ADAMTSL1: variants seen among roughly 807,000 people sequenced by gnomAD.
The protein encoded by ADAMTSL1 is ADAMTS like 1.
A neutral mutation model predicts 201.8 loss-of-function variants in ADAMTSL1; 126 were observed. That is an observed-to-expected ratio of 0.62 (90% CI 0.54 to 0.72). The LOEUF (loss-of-function observed/expected upper bound fraction) is 0.72. Among genes scored for constraint, ADAMTSL1 ranks in the 30% least tolerant of loss-of-function variants. The pLI, the probability that ADAMTSL1 is intolerant of heterozygous loss-of-function variation, is 0.00. For missense variants in ADAMTSL1, 2,679 were observed against 2,277.8 expected (o/e 1.18, Z -3.59); for synonymous variants, 1,121 against 903.4 (o/e 1.24, Z -4.32).
chr9:17,931,190 A>T (rs2131318775), intron 1 of ADAMTSL1, among the ~76,000 whole-genome samples: 1 of 152,304 alleles, frequency 6.6e-6, no homozygotes, highest in South Asian at 2.1e-4. Flanking sequence ...TCTGAGCCAA[A>T]GCTTACCTGG....
In ADAMTSL1 at chr9:18,111,485, G is replaced by C. The variant is rs537549463; in HGVS notation, c.88-52377G>C. 5.3e-5 allele frequency among the ~76,000 whole-genome samples: 8 copies of C among 152,114 alleles called. No homozygotes were observed. In the East Asian group the frequency reaches 1.4e-3, roughly 26 times the overall value. ...AAGAAGCCCTTTTAAACTATTTTATGTGCTTATTTTATGTATCTGTGAAAT... is the reference window on the plus strand; with the variant it reads ...AAGAAGCCCTTTTAAACTATTTTATCTGCTTATTTTATGTATCTGTGAAAT... On this transcript the variant is annotated intron_variant, in intron 1 of 29. Coordinates refer to the ADAMTSL1 transcript ENST00000680146.
chr9:18,172,452 A>G (rs138265198), intron 2 of ADAMTSL1, among the ~76,000 whole-genome samples: 217 of 152,216 alleles, frequency 1.4e-3, no homozygotes, highest in African/African-American at 5.1e-3. Flanking sequence ...CCCATCAGAT[A>G]GGCAACAAAT....
intron 1 of ADAMTSL1, among the ~76,000 whole-genome samples, chr9:17,969,177 A>C (rs1818104399): frequency 6.7e-6 from 1 of 148,242 alleles, no homozygotes; most frequent in Admixed American, 6.9e-5. Context: ...GACAAATAAA[A>C]CAGAAATGGA....
intron 2 of ADAMTSL1, among the ~76,000 whole-genome samples, chr9:18,167,329 T>A (rs147960231): frequency 6.6e-6 from 1 of 152,050 alleles, no homozygotes; most frequent in Non-Finnish European, 1.5e-5. Flanking sequence ...TGTACCTTGG[T>A]ATAAAAGAGA....
intron 2 of ADAMTSL1, among the ~76,000 whole-genome samples, chr9:18,508,547 A>T (rs1306394503): frequency 6.6e-6 from 1 of 152,196 alleles, no homozygotes; most frequent in Non-Finnish European, 1.5e-5. Context: ...TGTTTTCTTG[A>T]TAATTTTTAT....
At chr9:18,795,597 G>C in intron 20 of ADAMTSL1, 73 bp downstream of exon 20, 1 of 1,464,176 alleles carries the variant, frequency 6.8e-7, no homozygotes. Context: ...TGTCAAACAG[G>C]CCCAGAGATG....
At position 18,504,860 on chromosome 9, in the gene ADAMTSL1, G is replaced by A. The variant is rs200963194; in HGVS notation, c.95G>A (p.Arg32Gln). ...SSRTARSEEDRDGLWDAWGPW... is the reference protein window; with the variant it reads ...SSRTARSEEDQDGLWDAWGPW... ...AGGACCGCACGCTCCGAGGAGGACC[G>A]GGACGGCCTATGGGATGCCTGGGGC... is the stretch of plus-strand genomic sequence containing the variant. Residue 32 changes from arginine (R) to glutamine (Q), a missense_variant, in exon 2 of 29, where the codon CGG (arginine) becomes CAG (glutamine). Physicochemically the swap from Arg to Gln is conservative, Grantham distance 43. Transcript: ENST00000380548. The A allele has an allele frequency of 1.5e-4, 248 of 1,613,910 alleles. 1 individual carries two copies. In the Admixed American group the frequency reaches 2.8e-3, roughly 18 times the overall value.
intron 1 of ADAMTSL1, among the ~76,000 whole-genome samples, chr9:18,126,615 G>A (rs1252133728): frequency 6.6e-6 from 1 of 152,140 alleles, no homozygotes; most frequent in Non-Finnish European, 1.5e-5. Context: ...TTTGGAGCCT[G>A]CCAAAACTAC....
chr9:18,639,837 T>C (rs750087119), intron 7 of ADAMTSL1, among the ~76,000 whole-genome samples: 64 of 152,262 alleles, frequency 4.2e-4, no homozygotes, highest in Non-Finnish European at 7.4e-4. Flanking sequence ...TTTTCTTTTG[T>C]GCTGGCAAGA....
intron 7 of ADAMTSL1, among the ~76,000 whole-genome samples, chr9:18,641,032 C>A (rs894431089): frequency 5.3e-5 from 8 of 152,010 alleles, no homozygotes; most frequent in Non-Finnish European, 1.0e-4. Context: ...TTGTGCCCAC[C>A]TTTCCAATCT....
At position 18,826,383 on chromosome 9, in the gene ADAMTSL1, C is replaced by T. The variant is rs1162403578; in HGVS notation, c.4034C>T (p.Ser1345Phe). The stretch of plus-strand genomic sequence containing the variant: ...TCCTTGCTGCTCACAAACGTGTCCT[C>T]CTCGGATCAGGGCCTGTACTCCTGC... ...EGSLLLTNVS[S>F]SDQGLYSCRA... The change falls in exon 22 of 29, where the codon TCC becomes TTC. Residue 1345 changes from serine (S) to phenylalanine (F), a missense_variant. By Grantham distance (155) the Ser-to-Phe change is radical (BLOSUM62 -2). Coordinates refer to ENST00000380548, the MANE Select transcript of ADAMTSL1 (RefSeq NM_001040272.6). 5 of 1,613,672 alleles carry T rather than the reference C, an allele frequency of 3.1e-6. No individual in the cohort carries two copies. In the South Asian group the frequency reaches 5.5e-5, roughly 18 times the overall value.
intron 1 of ADAMTSL1, among the ~76,000 whole-genome samples, chr9:17,973,427 T>G (rs1178558871): frequency 2.4e-5 from 3 of 127,516 alleles, no homozygotes; most frequent in East Asian, 4.4e-4. Flanking sequence ...AGGGAATCCT[T>G]TCCCCATTTC....
rs147882741 is a variant in ADAMTSL1 at position 18,863,993 on chromosome 9, G to A, written c.4250-23838G>A. On this transcript the variant is annotated intron_variant, in intron 23 of 28. Transcript: ENST00000380548. Reference sequence around the variant, plus strand: ...TTAACTCTGTGAAAAATAGAGGATTGTAATGAAAATGCTGACAGGCCTGGA... The same window carrying A: ...TTAACTCTGTGAAAAATAGAGGATTATAATGAAAATGCTGACAGGCCTGGA... Among the ~76,000 whole-genome samples the A allele has an allele frequency of 3.8e-4, 58 of 152,294 alleles. No homozygotes were observed. In the East Asian group the frequency reaches 0.011, roughly 28 times the overall value.
At chr9:18,759,265 T>G (rs547918553) in intron 16 of ADAMTSL1, among the ~76,000 whole-genome samples, 1 of 152,270 alleles carries the variant, frequency 6.6e-6, no homozygotes, top group East Asian at 1.9e-4. Flanking sequence ...AGTTCAACTA[T>G]GTAAAAAAGC....
At chr9:18,310,404 C>T (rs1587525142) in intron 2 of ADAMTSL1, among the ~76,000 whole-genome samples, 1 of 71,496 alleles carries the variant, frequency 1.4e-5, no homozygotes, top group South Asian at 4.6e-4. Flanking sequence ...AAAAAACTAT[C>T]TTCAGAGTGA....
chr9:18,184,236 C>G (rs1234383064), intron 2 of ADAMTSL1, among the ~76,000 whole-genome samples: 2 of 152,260 alleles, frequency 1.3e-5, no homozygotes, highest in African/African-American at 2.4e-5. Context: ...GTTATGCACA[C>G]TAAATACTTT....
chr9:18,578,673 A>G (rs1263738791), intron 4 of ADAMTSL1, among the ~76,000 whole-genome samples: 1 of 152,232 alleles, frequency 6.6e-6, no homozygotes, highest in African/African-American at 2.4e-5. Context: ...AGTGCTTACT[A>G]TGCCGCAATA....
At chr9:18,403,584 A>G (rs914034737) in intron 2 of ADAMTSL1, among the ~76,000 whole-genome samples, 2 of 152,198 alleles carry the variant, frequency 1.3e-5, no homozygotes, top group Non-Finnish European at 2.9e-5. Flanking sequence ...ATGGAAAACT[A>G]TCACTAAATA....
intron 1 of ADAMTSL1, among the ~76,000 whole-genome samples, chr9:18,141,931 G>C (rs139105360): frequency 2.0e-4 from 31 of 152,314 alleles, no homozygotes; most frequent in African/African-American, 7.2e-4. Flanking sequence ...TTCTCACTGA[G>C]ACACAAGGAT....
Sources: allele counts gnomAD v4.1 joint callset (sites outside exome capture counted in the v4.1 genomes callset), GRCh38; gene constraint gnomAD v4.1.1; transcripts MANE v1.5; gene names NCBI Gene and HGNC (gene_info 2026-07-23, HGNC 2026-07-21).